The following ARHGEF2 variants were observed in gnomAD, a reference collection of about 807,000 sequenced individuals.
The protein encoded by ARHGEF2 is Rho/Rac guanine nucleotide exchange factor 2, also known as rho guanine nucleotide exchange factor 2.
Under a neutral mutation model 121.0 loss-of-function variants are expected in ARHGEF2, and 22 were observed. The ratio of observed to expected loss-of-function variants is 0.18; its 90% CI spans 0.13 to 0.26. ARHGEF2 has a LOEUF of 0.26. ARHGEF2 is among the 10% of genes least tolerant of loss of function. The probability of loss-of-function intolerance (pLI) is 1.00; values close to 1 mark genes in which losing one functional copy is unlikely to be tolerated. For missense variants in ARHGEF2, 907 were observed against 1,336.0 expected, an observed-to-expected ratio of 0.68 and a Z score of 5.01; for synonymous variants, 487 against 530.0, an observed-to-expected ratio of 0.92 and a Z score of 1.11.
chr1:155,952,902 G>A, intron 14 of ARHGEF2, 74 bp from the exon 15 acceptor site: 1 of 1,422,164 alleles, frequency 7.0e-7, no homozygotes, highest in South Asian at 1.2e-5. Context: ...GACAGCCCTA[G>A]GGGAGAGGGG....
At position 155,973,419 on chromosome 1, in the gene ARHGEF2, G is replaced by A. The variant is rs142865327; in HGVS notation, c.64-4119C>T. 3.0e-4 allele frequency among the ~76,000 whole-genome samples: 46 copies of A among 152,212 alleles called. No homozygotes were observed. In the Middle Eastern group the frequency reaches 0.01, roughly 34 times the overall value. On this transcript the variant is annotated intron_variant, in intron 1 of 21. Transcript: ENST00000361247. ...GACCAACCCCAAACTTCCTTCCACTGTCATCCCAGATCTCAGTCACTTTTG... is the reference window on the plus strand; with the variant it reads ...GACCAACCCCAAACTTCCTTCCACTATCATCCCAGATCTCAGTCACTTTTG...
intron 13 of ARHGEF2, among the ~76,000 whole-genome samples, chr1:155,956,887 C>CT (rs1375431992): frequency 1.2e-5 from 1 of 80,432 alleles, no homozygotes; most frequent in African/African-American, 5.2e-5. Context: ...ACTCTGTCTC[C>CT]AAAAAAAAAA....
rs1675797947 is a variant in ARHGEF2, at chr1:155,952,890, A to C, written c.1784-62T>G. On this transcript the variant is annotated intron_variant, in intron 14 of 21. Transcript: ENST00000361247. ...TAGGGGTATGCAAGAGCGCCAGTAGAGGACAGCCCTAGGGGAGAGGGGTAG... is the reference window on the plus strand; with the variant it reads ...TAGGGGTATGCAAGAGCGCCAGTAGCGGACAGCCCTAGGGGAGAGGGGTAG... The C allele has an allele frequency of 2.0e-6, 3 of 1,536,088 alleles. No homozygotes were observed. The South Asian group carries it at 3.4e-5, about 17-fold the overall frequency.
intron 1 of ARHGEF2, among the ~76,000 whole-genome samples, chr1:155,977,904 T>TGGC (rs1681592316): frequency 6.6e-6 from 1 of 152,018 alleles, no homozygotes; most frequent in Non-Finnish European, 1.5e-5. Flanking sequence ...CTCCGCCGGA[T>TGGC]GGCGGGGACA....
Position 155,962,586 on chromosome 1 carries a change from C to T in ARHGEF2, c.1101+7G>A, listed in dbSNP as rs372537775. The stretch of plus-strand genomic sequence containing the variant: ...CATGAGCATGGGATCTGGAGAGGTC[C>T]GCTCACCCGGATGAATTGCTGGAAG... On this transcript the variant is annotated splice_region_variant and intron_variant, in intron 9 of 21. Coordinates refer to ENST00000361247, the MANE Select transcript of ARHGEF2 (RefSeq NM_001162383.2). This position sits in a 1 kb window ranked among gnomAD's most constrained non-coding sequence, Gnocchi z 5.8. 1.9e-5 allele frequency: 31 copies of T among 1,612,864 alleles called. No individual in the cohort carries two copies. The highest frequency in any genetic ancestry group is 1.2e-4 in the South Asian group (11 of 91,014).
chr1:155,972,890 G>A (rs1680713447), intron 1 of ARHGEF2, among the ~76,000 whole-genome samples: 1 of 151,732 alleles, frequency 6.6e-6, no homozygotes, highest in Non-Finnish European at 1.5e-5. Context: ...TTTTTGTAGA[G>A]ACAGCGTCTT....
Position 155,952,243 on chromosome 1 carries a change from G to A in ARHGEF2, c.1985-8C>T, listed in dbSNP as rs1675626459. ...GGTCTTTCAGACCCTCCACTGTGGG[G>A]AAAGAGGAAGAGGTGAGAACAGGAA... On this transcript the variant is annotated splice_polypyrimidine_tract_variant and splice_region_variant and intron_variant, in intron 15 of 21. Transcript: ENST00000361247. 1.2e-6 allele frequency: 2 copies of A among 1,613,868 alleles called. No individual in the cohort carries two copies. Among genetic ancestry groups the A allele is most frequent in the Non-Finnish European group, 1.7e-6 (2 of 1,179,934 alleles).
At chr1:155,952,543 C>G (rs1000545826) in intron 15 of ARHGEF2, 85 bp downstream of exon 15, 64 of 1,448,966 alleles carry the variant, frequency 4.4e-5, no homozygotes, top group Non-Finnish European at 5.9e-5. Context: ...TCCCACTTGT[C>G]TGTGTTTGTC....
upstream of ARHGEF2, chr1:155,978,956 C>A: frequency 1.0e-6 from 1 of 985,766 alleles, no homozygotes; most frequent in Non-Finnish European, 1.2e-6. The surrounding 1 kb of genome is among the most constrained non-coding windows in gnomAD (Gnocchi z 4.1). Flanking sequence ...CCATCCGCCC[C>A]CAGCTCTTAG....
chr1:155,954,456 T>G (rs1251756423), intron 14 of ARHGEF2, among the ~76,000 whole-genome samples: 1 of 147,034 alleles, frequency 6.8e-6, no homozygotes, highest in Non-Finnish European at 1.5e-5. Flanking sequence ...ACTAATTTTT[T>G]TTTTGTATTT....
At chr1:155,966,704 C>G (rs1679450395) in intron 3 of ARHGEF2, 116 bp downstream of exon 3, 5 of 1,263,612 alleles carry the variant, frequency 4.0e-6, no homozygotes, top group African/African-American at 1.5e-5. Flanking sequence ...TGGGCTGCCC[C>G]TTGGTGAGGA....
chr1:155,970,832 G>C (rs1023364087), intron 1 of ARHGEF2: 1 of 986,236 alleles, frequency 1.0e-6, no homozygotes, highest in Non-Finnish European at 1.2e-6. Context: ...TCTCTTTCCT[G>C]CCTCTCTTCC....
intron 14 of ARHGEF2, 66 bp from the exon 15 acceptor site, chr1:155,952,894 C>A: frequency 6.6e-7 from 1 of 1,511,186 alleles, no homozygotes; most frequent in Non-Finnish European, 9.2e-7. Context: ...CAGTAGAGGA[C>A]AGCCCTAGGG....
At chr1:155,958,778 A>G (rs367929663) in intron 11 of ARHGEF2, among the ~76,000 whole-genome samples, 2 of 151,186 alleles carry the variant, frequency 1.3e-5, no homozygotes, top group Non-Finnish European at 2.9e-5. Context: ...GGGTTTCACC[A>G]TGTTGGTCAG....
intron 2 of ARHGEF2, among the ~76,000 whole-genome samples, chr1:155,967,311 A>G (rs1355447610): frequency 6.6e-6 from 1 of 152,156 alleles, no homozygotes; most frequent in Non-Finnish European, 1.5e-5. Context: ...GGGGAAATTT[A>G]CATTCCCTGA....
chr1:155,948,299 T>C (rs1166482624), intron 21 of ARHGEF2, among the ~76,000 whole-genome samples: 1 of 152,236 alleles, frequency 6.6e-6, no homozygotes, highest in Non-Finnish European at 1.5e-5. Context: ...TTTTATTTCA[T>C]GAACCAACTG....
chr1:155,968,936 C>T (rs1462544783), intron 2 of ARHGEF2: 3 of 555,116 alleles, frequency 5.4e-6, no homozygotes, highest in South Asian at 2.5e-5. Context: ...TCCCCTCCCC[C>T]ACATTCCCAG....
At chr1:155,969,016 G>A in intron 2 of ARHGEF2, 140 bp downstream of exon 2, 1 of 1,026,250 alleles carries the variant, frequency 9.7e-7, no homozygotes, top group Non-Finnish European at 1.4e-6. Flanking sequence ...AAGGGATCAA[G>A]CAACTGGCCC....
intron 1 of ARHGEF2, among the ~76,000 whole-genome samples, chr1:155,971,669 T>C (rs1214627028): frequency 1.3e-5 from 2 of 150,920 alleles, no homozygotes; most frequent in Admixed American, 1.3e-4. Context: ...CCCACTGCCA[T>C]ATACTCTCCC....
Sources: gnomAD v4.1 joint callset for allele counts (sites outside exome capture counted in the v4.1 genomes callset) on GRCh38, gnomAD v4.1.1 for gene constraint, Gnocchi (gnomAD v3.1) non-coding constraint, MANE v1.5 for transcripts, NCBI Gene and HGNC (gene_info 2026-07-23, HGNC 2026-07-21) for gene names.